The following CUL7 variants were observed in gnomAD, a reference collection of about 807,000 sequenced individuals.
CUL7 encodes cullin 7, also known as cullin-7.
In CUL7, 96 loss-of-function variants were observed where a neutral mutation model predicts 177.7. The observed-to-expected ratio is 0.54, with a 90% confidence interval of 0.46 to 0.64. The LOEUF is 0.64. Ranked by LOEUF, CUL7 falls within the 30% of genes least tolerant of loss-of-function variation. The probability of loss-of-function intolerance (pLI) is 0.00; values close to 1 mark genes in which losing one functional copy is unlikely to be tolerated. For synonymous variants in CUL7, 824 were observed against 890.2 expected, an observed-to-expected ratio of 0.93 and a Z score of 1.32; for missense variants, 1,893 against 2,187.9, an observed-to-expected ratio of 0.87 and a Z score of 2.69.
At position 43,040,199 on chromosome 6, in the gene CUL7, G is replaced by A. The variant is rs1156525011; in HGVS notation, c.4251C>T (p.Tyr1417=). The change falls in exon 22 of 26, where the codon TAC becomes TAT. Residue 1417 remains tyrosine (Y), a synonymous_variant. Coordinates refer to ENST00000265348, the MANE Select transcript of CUL7 (RefSeq NM_014780.5). The surrounding 1 kb of genome is among the most constrained non-coding windows in gnomAD (Gnocchi z 4.2). ...AGTATCTGTTCAAAGTGCCCCTCAG[G>A]TAGGAGGGCAGGCAGGTTCTGGGGT... is the stretch of plus-strand genomic sequence containing the variant. ...TLNPRTCLPS[Y]LRGTLNRYSN... 1.2e-6 allele frequency: 2 copies of A among 1,614,070 alleles called. No individual in the cohort carries two copies. Among genetic ancestry groups the A allele is most frequent in the Admixed American group, 1.7e-5 (1 of 60,020 alleles).
At position 43,050,570 on chromosome 6, in the gene CUL7, AC is replaced by A. The variant is rs1764311087; in HGVS notation, c.1234-173del. On this transcript the variant is annotated intron_variant, in intron 4 of 25. Coordinates refer to ENST00000265348, the MANE Select transcript of CUL7 (RefSeq NM_014780.5). This position sits in a 1 kb window ranked among gnomAD's most constrained non-coding sequence, Gnocchi z 4.1. ...AGAATACACACACACACACACACAC[AC>A]ACACACACACACACACACACACACA... Among the ~76,000 whole-genome samples the A allele has an allele frequency of 7.8e-6, 1 of 128,734 alleles. No homozygotes were observed. Among genetic ancestry groups the A allele is most frequent in the Middle Eastern group, 3.7e-3 (1 of 268 alleles). The allele number at this position is 128,734 out of a possible 152,430, so 84.5% of individuals were successfully genotyped here.
intron 6 of CUL7, 39 bp downstream of exon 6, chr6:43,049,924 G>C (rs1343511404): frequency 6.3e-7 from 1 of 1,581,994 alleles, no homozygotes; most frequent in Non-Finnish European, 8.7e-7. Flanking sequence ...CCTTGCAATA[G>C]AGCCCTCCAA....
At position 43,048,154 on chromosome 6, in the gene CUL7, A is replaced by T; in HGVS notation, c.2163T>A (p.Asp721Glu). The change falls in exon 9 of 26, where the codon GAT becomes GAA. Residue 721 changes from aspartate to glutamate, a missense_variant. Physicochemically the swap from Asp to Glu is conservative, Grantham distance 45 (BLOSUM62 2). Transcript: ENST00000265348. ...CMACLRSPNT[D>E]REVLQELIFF... ...CAGAGCAGGGCAGGGGTACCTCTCG[A>T]TCAGTGTTTGGGGACCGCAGGCAGG... 6.2e-7 allele frequency: 1 copy of T among 1,610,040 alleles called. No homozygotes were observed. The highest frequency in any genetic ancestry group is 8.5e-7 in the Non-Finnish European group (1 of 1,176,740).
rs184849847 is a variant in CUL7, at chr6:43,053,477, G to A, written c.-9+145C>T. 1.2e-5 allele frequency: 6 copies of A among 516,606 alleles called. No individual in the cohort carries two copies. The East Asian group carries it at 2.1e-4, about 18-fold the overall frequency. 32.0% of individuals were successfully genotyped at this position (516,606 alleles called of 1,614,324 possible). Reference sequence around the variant, plus strand: ...AGACTGGAGAAGCCAGGGGCGCGCGGTAAGGTGGGGGAGAGGGGATTAGGC... The same window carrying A: ...AGACTGGAGAAGCCAGGGGCGCGCGATAAGGTGGGGGAGAGGGGATTAGGC... On this transcript the variant is annotated intron_variant, in intron 1 of 25. Coordinates refer to ENST00000265348, the MANE Select transcript of CUL7 (RefSeq NM_014780.5). The surrounding 1 kb of genome is among the most constrained non-coding windows in gnomAD (Gnocchi z 4.1).
chr6:43,039,596 AC>A, intron 22 of CUL7, among the ~76,000 whole-genome samples: 1 of 151,840 alleles, frequency 6.6e-6, no homozygotes, highest in Non-Finnish European at 1.5e-5. Context: ...AGCACCTGCC[AC>A]CCCCAGCCAC....
intron 19 of CUL7, among the ~76,000 whole-genome samples, chr6:43,042,563 ACTC>A (rs1176609176): frequency 2.0e-5 from 3 of 151,156 alleles, no homozygotes; most frequent in Admixed American, 2.0e-4. Context: ...CTGGCCTCAA[ACTC>A]CTGCCCTCAG....
chr6:43,050,483 T>C lies in CUL7; in HGVS notation c.1234-85A>G, dbSNP rs1764298569. On this transcript the variant is annotated intron_variant, in intron 4 of 25. Coordinates refer to ENST00000265348, the MANE Select transcript of CUL7 (RefSeq NM_014780.5). The surrounding 1 kb of genome is among the most constrained non-coding windows in gnomAD (Gnocchi z 4.1). ...GGCCCAGTACTGAGGACTATAGCCC[T>C]CAGGGTGACCACCTGGCCAGGTTTT... The C allele has an allele frequency of 6.5e-7, 1 of 1,546,492 alleles. No homozygotes were observed. The highest frequency in any genetic ancestry group is 1.7e-4 in the Middle Eastern group (1 of 5,928).
In CUL7 at chr6:43,043,390, A is replaced by C. The variant is rs1763618907; in HGVS notation, c.3355+58T>G. 6.5e-7 allele frequency: 1 copy of C among 1,533,560 alleles called. No individual in the cohort carries two copies. Among genetic ancestry groups the C allele is most frequent in the Non-Finnish European group, 9.0e-7 (1 of 1,108,598 alleles). The allele number at this position is 1,533,560 out of a possible 1,614,324, so 95.0% of individuals were successfully genotyped here. ...ATGGACAGAAGCCTGTGGTGTACAC[A>C]TGGGGCCCAGGAAAACGCTCCTGAC... On this transcript the variant is annotated intron_variant, in intron 17 of 25. Transcript: ENST00000265348. The surrounding 1 kb of genome is among the most constrained non-coding windows in gnomAD (Gnocchi z 4.2).
chr6:43,039,381 C>G (rs1207804358), intron 22 of CUL7, among the ~76,000 whole-genome samples: 1 of 152,228 alleles, frequency 6.6e-6, no homozygotes, highest in Non-Finnish European at 1.5e-5. Flanking sequence ...GCCTCTTCCC[C>G]CTCCTGTGTT....
rs58059598 is a variant in CUL7, at chr6:43,050,549, TACACACACACACACACACACAC to T, written c.1234-173_1234-152del. 6.2e-3 allele frequency: 2,602 copies of T among 418,930 alleles called. 3 individuals are homozygous for T. The highest frequency in any genetic ancestry group is 0.023 in the Middle Eastern group (34 of 1,492). The allele number at this position is 418,930 out of a possible 1,614,324, so 26.0% of individuals were successfully genotyped here. ...TAACAAAACAGCAGCATATGGAGAATACACACACACACACACACACACACACACACACACACACACACACACA... is the reference window on the plus strand; with the variant it reads ...TAACAAAACAGCAGCATATGGAGAATACACACACACACACACACACACACA... On this transcript the variant is annotated intron_variant, in intron 4 of 25. Transcript: ENST00000265348. The surrounding 1 kb of genome is among the most constrained non-coding windows in gnomAD (Gnocchi z 4.1).
rs1400312366 is a variant in CUL7, at chr6:43,040,038, CA to C, written c.4294+117del. ...TACAGGCGTGAGCACTGTGCCCAGCCAAAGACTATCTCTTTTTACATCAAGC... is the reference window on the plus strand; with the variant it reads ...TACAGGCGTGAGCACTGTGCCCAGCCAAGACTATCTCTTTTTACATCAAGC... On this transcript the variant is annotated intron_variant, in intron 22 of 25. Transcript: ENST00000265348. This position sits in a 1 kb window ranked among gnomAD's most constrained non-coding sequence, Gnocchi z 4.2. 10 of 1,284,894 alleles carry C rather than the reference CA, an allele frequency of 7.8e-6. No individual in the cohort carries two copies. Among genetic ancestry groups the C allele is most frequent in the Non-Finnish European group, 9.0e-6 (8 of 885,292 alleles). The allele number at this position is 1,284,894 out of a possible 1,614,324, so 79.6% of individuals were successfully genotyped here. A position where few individuals can be genotyped will look rare whatever the true frequency, so the allele number is the denominator to read the frequency against.
At position 43,050,536 on chromosome 6, in the gene CUL7, A is replaced by G. The variant is rs1764302274; in HGVS notation, c.1234-138T>C. On this transcript the variant is annotated intron_variant, in intron 4 of 25. Coordinates refer to ENST00000265348, the MANE Select transcript of CUL7 (RefSeq NM_014780.5). This position sits in a 1 kb window ranked among gnomAD's most constrained non-coding sequence, Gnocchi z 4.1. ...AAAAACCTCCACATAACAAAACAGC[A>G]GCATATGGAGAATACACACACACAC... The G allele has an allele frequency of 1.5e-6, 1 of 684,000 alleles. No homozygotes were observed. The highest frequency in any genetic ancestry group is 2.6e-6 in the Non-Finnish European group (1 of 386,070). 42.4% of individuals were successfully genotyped at this position (684,000 alleles called of 1,614,324 possible).
chr6:43,042,542 T>C (rs1763534195), intron 19 of CUL7, among the ~76,000 whole-genome samples: 2 of 152,202 alleles, frequency 1.3e-5, no homozygotes, highest in Admixed American at 6.5e-5. Flanking sequence ...GGTTTGGCCA[T>C]GTTGGCCAGG....
In CUL7 at chr6:43,045,606, C is replaced by T. The variant is rs141027893; in HGVS notation, c.2843G>A (p.Arg948His). ...LTRFWPIIQI[R>H]IKRCQQGGID... is the part of the protein sequence containing the mutation. ...CCCCACCTGCTGGCAGCGCTTTATGCGGATCTGGATGATGGGCCAGAAGCG... is the reference window on the plus strand; with the variant it reads ...CCCCACCTGCTGGCAGCGCTTTATGTGGATCTGGATGATGGGCCAGAAGCG... The change falls in exon 14 of 26, where the codon CGC (arginine) becomes CAC (histidine). Residue 948 changes from arginine to histidine, a missense_variant. By Grantham distance (29) the Arg-to-His change is conservative. Transcript: ENST00000265348. This position sits in a 1 kb window ranked among gnomAD's most constrained non-coding sequence, Gnocchi z 4.8. 6.2e-6 allele frequency: 10 copies of T among 1,614,082 alleles called. No individual in the cohort carries two copies. In the African/African-American group the frequency reaches 6.7e-5, roughly 11 times the overall value.
At position 43,048,583 on chromosome 6, in the gene CUL7, A is replaced by G; in HGVS notation, c.1826-14T>C. 6.3e-7 allele frequency: 1 copy of G among 1,590,964 alleles called. No homozygotes were observed. Among genetic ancestry groups the G allele is most frequent in the Non-Finnish European group, 8.6e-7 (1 of 1,159,016 alleles). ...GGGGTTCTTTTGCTACAGGAAGGGG[A>G]CAGTCACAGGAGTTGGCCATTGTTA... On this transcript the variant is annotated splice_polypyrimidine_tract_variant and intron_variant, in intron 7 of 25. Transcript: ENST00000265348.
At chr6:43,048,119 A>T (rs780188381) in intron 9 of CUL7, 29 bp downstream of exon 9, 1 of 1,475,046 alleles carries the variant, frequency 6.8e-7, no homozygotes, top group Non-Finnish European at 9.4e-7. Context: ...CCTCTCCCCC[A>T]GCCTCTCCCC....
chr6:43,048,220 T>C lies in CUL7; in HGVS notation c.2097A>G (p.Ala699=), dbSNP rs1764086001. 15 of 1,614,070 alleles carry C rather than the reference T, an allele frequency of 9.3e-6. No homozygotes were observed. The highest frequency in any genetic ancestry group is 1.1e-5 in the Non-Finnish European group (13 of 1,179,942). ...CGGCCTCGTGCCAGGGGAGCAGCAG[T>C]GCCTCGGGGAAGTCCACCAGCTGCT... ...ILKQLVDFPE[A]LLLPWHEAVD... is the part of the protein sequence containing the mutation. Residue 699 remains alanine, a synonymous_variant, in exon 9 of 26, where the codon GCA becomes GCG. Coordinates refer to ENST00000265348, the MANE Select transcript of CUL7 (RefSeq NM_014780.5).
In CUL7 at chr6:43,038,917, C is replaced by A. The variant is rs1461167915; in HGVS notation, c.4365G>T (p.Glu1455Asp). The A allele has an allele frequency of 1.2e-6, 2 of 1,614,050 alleles. No individual in the cohort carries two copies. The highest frequency in any genetic ancestry group is 1.7e-6 in the Non-Finnish European group (2 of 1,179,872). The change falls in exon 23 of 26, where the codon GAG becomes GAT. Residue 1455 changes from glutamate to aspartate, a missense_variant. Glu to Asp is a conservative substitution (Grantham distance 45). This residue lies in a region of CUL7 where 973 missense variants were observed against 1,140.9 expected (regional missense o/e 0.85). Coordinates refer to ENST00000265348, the MANE Select transcript of CUL7 (RefSeq NM_014780.5). ...GCAGGGTCTGGTTCCCAAACTGCAGCTCAGCCCAGCCCAGCCACGTCCACT... is the reference window on the plus strand; with the variant it reads ...GCAGGGTCTGGTTCCCAAACTGCAGATCAGCCCAGCCCAGCCACGTCCACT... The part of the protein sequence containing the change: ...RLQWTWLGWA[E>D]LQFGNQTLHV...
chr6:43,049,415 T>C lies in CUL7; in HGVS notation c.1817A>G (p.Lys606Arg), dbSNP rs767531916. ...CTGTGTCTGGCACCCACCTTCCACT[T>C]TGGCTGCATCTTCTGAGTCCTTAGC... ...AQAKDSEDAAKVEAKEPPSQS... is the reference protein window; with the variant it reads ...AQAKDSEDAARVEAKEPPSQS... The change falls in exon 7 of 26, where the codon AAA becomes AGA. Residue 606 changes from lysine to arginine, a missense_variant. Physicochemically the swap from Lys to Arg is conservative, Grantham distance 26. Transcript: ENST00000265348. The C allele has an allele frequency of 1.2e-6, 2 of 1,614,188 alleles. No individual in the cohort carries two copies. Among genetic ancestry groups the C allele is most frequent in the Non-Finnish European group, 8.5e-7 (1 of 1,180,040 alleles).
Sources: allele counts gnomAD v4.1 joint callset (sites outside exome capture counted in the v4.1 genomes callset), GRCh38; gene constraint gnomAD v4.1.1; regional missense constraint gnomAD v4.1.1; non-coding constraint Gnocchi (gnomAD v3.1); transcripts MANE v1.5; gene names NCBI Gene and HGNC (gene_info 2026-07-23, HGNC 2026-07-21).